Variants in HLTF observed in about 807,000 individuals in gnomAD.
HLTF encodes DNA-dependent ATPase/E3 ubiquitin-protein ligase HLTF.
Under a neutral mutation model 129.4 loss-of-function variants are expected in HLTF, and 127 were observed. The observed-to-expected ratio is 0.98, with a 90% CI of 0.85 to 1.14. The LOEUF (loss-of-function observed/expected upper bound fraction) is 1.14. HLTF is among the 50% of genes most tolerant of loss of function. The pLI is 0.00. For synonymous variants in HLTF, 332 were observed against 388.8 expected (o/e 0.85, Z 1.72); for missense variants, 1,139 against 1,187.1 (o/e 0.96, Z 0.60).
At chr3:149,078,726 G>A (rs555830537) in intron 2 of HLTF, among the ~76,000 whole-genome samples, 5 of 151,366 alleles carry the variant, frequency 3.3e-5, no homozygotes, top group South Asian at 2.1e-4. Flanking sequence ...GCGAGGTGGC[G>A]GGTGCCTGTA....
intron 3 of HLTF, among the ~76,000 whole-genome samples, chr3:149,074,582 C>G (rs1719177487): frequency 6.6e-6 from 1 of 152,058 alleles, no homozygotes; most frequent in Admixed American, 6.5e-5. Context: ...TGGAATAAAG[C>G]AGTTTTAAAA....
chr3:149,034,418 G>A (rs1052561478), intron 24 of HLTF, among the ~76,000 whole-genome samples: 2 of 152,140 alleles, frequency 1.3e-5, no homozygotes, highest in African/African-American at 4.8e-5. Context: ...AGTTGCCAGG[G>A]GCTGGGGGGA....
chr3:149,041,320 C>T lies in HLTF; in HGVS notation c.2376+170G>A, dbSNP rs149143350. On this transcript the variant is annotated intron_variant, in intron 20 of 24. Coordinates refer to ENST00000310053, the MANE Select transcript of HLTF (RefSeq NM_003071.4). The stretch of plus-strand genomic sequence containing the variant: ...TGACTGTGAACATCTTTTTATGTTG[C>T]AAATGTTGCATTAGAAGAAATATAT... 3.0e-3 allele frequency among the ~76,000 whole-genome samples: 452 copies of T among 152,110 alleles called. 2 individuals are homozygous for T. The highest frequency in any genetic ancestry group is 0.01 in the African/African-American group (434 of 41,510).
At chr3:149,069,950 T>C (rs1312617893) in intron 7 of HLTF, among the ~76,000 whole-genome samples, 1 of 152,230 alleles carries the variant, frequency 6.6e-6, no homozygotes, top group Admixed American at 6.5e-5. Context: ...GGATATTGCA[T>C]ATGAAATACA....
chr3:149,037,685 T>C lies in HLTF; in HGVS notation c.2796+1364A>G, dbSNP rs181333966. ...TTTATATCTCAGTAGTATTCCTACA[T>C]GTATCTCAGTAGAATTCCTACATGT... On this transcript the variant is annotated intron_variant, in intron 23 of 24. Coordinates refer to ENST00000310053, the MANE Select transcript of HLTF (RefSeq NM_003071.4). Among the ~76,000 whole-genome samples the C allele has an allele frequency of 3.3e-3, 502 of 152,306 alleles. 2 individuals are homozygous for C. The highest frequency in any genetic ancestry group is 0.018 in the South Asian group (86 of 4,832).
chr3:149,051,531 T>C (rs943554538), intron 14 of HLTF, among the ~76,000 whole-genome samples: 4 of 152,160 alleles, frequency 2.6e-5, no homozygotes, highest in African/African-American at 4.8e-5. Context: ...GACTTGTTTT[T>C]ATTGGGAGAA....
At chr3:149,075,816 C>A in intron 3 of HLTF, 65 bp downstream of exon 3, 1 of 1,074,164 alleles carries the variant, frequency 9.3e-7, no homozygotes, top group Non-Finnish European at 1.3e-6. Flanking sequence ...TAACAAGAAG[C>A]CCTAACAAGT....
chr3:149,045,077 G>A (rs923748692), intron 18 of HLTF, among the ~76,000 whole-genome samples: 6 of 152,136 alleles, frequency 3.9e-5, no homozygotes, highest in African/African-American at 1.4e-4. Flanking sequence ...TGACATATGC[G>A]TTACATACCC....
chr3:149,059,603 A>C (rs1261162445), intron 13 of HLTF, 115 bp downstream of exon 13: 1 of 646,756 alleles, frequency 1.5e-6, no homozygotes, highest in Non-Finnish European at 2.7e-6. Context: ...ACTTTAAAAA[A>C]TAGTCTCTAT....
At chr3:149,078,216 C>CA (rs1719551889) in intron 2 of HLTF, among the ~76,000 whole-genome samples, 1 of 152,100 alleles carries the variant, frequency 6.6e-6, no homozygotes, top group Non-Finnish European at 1.5e-5. Flanking sequence ...AGATGTTTGA[C>CA]ATAGTAGAAA....
rs1441813843 is a variant in HLTF at position 149,063,420 on chromosome 3, T to C, written c.1160+11A>G. 2.7e-6 allele frequency: 4 copies of C among 1,498,570 alleles called. No individual in the cohort carries two copies. The highest frequency in any genetic ancestry group is 1.9e-6 in the Non-Finnish European group (2 of 1,074,938). 92.8% of individuals were successfully genotyped at this position (1,498,570 alleles called of 1,614,324 possible). On this transcript the variant is annotated intron_variant, in intron 10 of 24. Transcript: ENST00000310053. Reference sequence around the variant, plus strand: ...ATAAACATATGACATAATCAAACCATAATAGTTTACCTTTTGGGGCGGGAG... The same window carrying C: ...ATAAACATATGACATAATCAAACCACAATAGTTTACCTTTTGGGGCGGGAG...
At chr3:149,085,472 G>C (rs918030270) in intron 1 of HLTF, among the ~76,000 whole-genome samples, 2 of 152,230 alleles carry the variant, frequency 1.3e-5, no homozygotes, top group African/African-American at 4.8e-5. Flanking sequence ...CTGGACGACA[G>C]AGCGAGACTC....
intron 10 of HLTF, 87 bp from the exon 11 acceptor site, chr3:149,060,945 A>G (rs1157936836): frequency 1.1e-6 from 1 of 891,820 alleles, no homozygotes; most frequent in Non-Finnish European, 1.7e-6. Context: ...GCAATAAAAA[A>G]CTTTTGTCCT....
At chr3:149,074,817 A>C (rs796544461) in intron 3 of HLTF, among the ~76,000 whole-genome samples, 13 of 152,328 alleles carry the variant, frequency 8.5e-5, no homozygotes, top group African/African-American at 1.9e-4. Context: ...TTTTCTCTTC[A>C]AACTCACCTA....
At chr3:149,047,599 G>A (rs554945679) in intron 17 of HLTF, among the ~76,000 whole-genome samples, 7 of 152,162 alleles carry the variant, frequency 4.6e-5, no homozygotes, top group South Asian at 2.1e-4. Context: ...CCAAGATCGC[G>A]CCACTGCCCT....
chr3:149,041,157 T>C (rs922894910), intron 20 of HLTF, among the ~76,000 whole-genome samples: 1 of 152,198 alleles, frequency 6.6e-6, no homozygotes, highest in African/African-American at 2.4e-5. Context: ...TTGGGTTAAA[T>C]ACAAATGTAT....
At chr3:149,065,395 C>A (rs755908278) in intron 8 of HLTF, among the ~76,000 whole-genome samples, 1 of 152,126 alleles carries the variant, frequency 6.6e-6, no homozygotes, top group Non-Finnish European at 1.5e-5. Flanking sequence ...TTCCAATGTA[C>A]CTTTGTTTCC....
intron 8 of HLTF, among the ~76,000 whole-genome samples, chr3:149,065,423 T>C (rs1718281880): frequency 6.6e-6 from 1 of 152,242 alleles, no homozygotes; most frequent in Non-Finnish European, 1.5e-5. Context: ...CCAATGTACA[T>C]GAATTGAAAA....
chr3:149,056,728 A>T (rs910462985), intron 13 of HLTF, among the ~76,000 whole-genome samples: 5 of 152,258 alleles, frequency 3.3e-5, no homozygotes, highest in African/African-American at 1.2e-4. Context: ...CAGAACAATT[A>T]TAACAATATA....
Sources: gnomAD v4.1 joint callset for allele counts (sites outside exome capture counted in the v4.1 genomes callset) on GRCh38, gnomAD v4.1.1 for gene constraint, MANE v1.5 for transcripts, NCBI Gene and HGNC (gene_info 2026-07-23, HGNC 2026-07-21) for gene names.